Variants in SFT2D2 observed in about 807,000 individuals in gnomAD.
SFT2D2 encodes SFT2 domain containing 2, also known as vesicle transport protein SFT2B.
Under a neutral mutation model 27.4 loss-of-function variants are expected in SFT2D2, and 21 were observed. The ratio of observed to expected loss-of-function variants is 0.77; its 90% CI spans 0.54 to 1.10. The LOEUF (loss-of-function observed/expected upper bound fraction) is 1.10. Among genes scored for constraint, SFT2D2 ranks in the 50% least tolerant of loss-of-function variants. The probability of loss-of-function intolerance (pLI) is 0.00; values close to 1 mark genes in which losing one functional copy is unlikely to be tolerated. For synonymous variants in SFT2D2, 72 were observed against 71.7 expected (o/e 1.00, Z -0.02); for missense variants, 187 against 194.2 (o/e 0.96, Z 0.22).
intron 7 of SFT2D2, among the ~76,000 whole-genome samples, chr1:168,241,274 G>A (rs2280992): frequency 6.9e-6 from 1 of 145,044 alleles, no homozygotes; most frequent in Non-Finnish European, 1.5e-5. Flanking sequence ...GTGGCCCGAT[G>A]TCAGCTCACC....
In SFT2D2 at chr1:168,252,680, G is replaced by T. The variant is rs1647975438; in HGVS notation, c.*10140G>T. On this transcript the variant is annotated 3_prime_UTR_variant, in exon 8 of 8. Coordinates refer to ENST00000271375, the MANE Select transcript of SFT2D2 (RefSeq NM_199344.3). Reference sequence around the variant, plus strand: ...AAGTTGGGAGTGAGGACATTCAAAAGCCCATGGTGAATGCATATGCCTTTA... The same window carrying T: ...AAGTTGGGAGTGAGGACATTCAAAATCCCATGGTGAATGCATATGCCTTTA... 6.6e-6 allele frequency: 1 copy of T among 152,150 alleles called. No homozygotes were observed. The highest frequency in any genetic ancestry group is 6.6e-5 in the Admixed American group (1 of 15,266). 9.4% of individuals were successfully genotyped at this position (152,150 alleles called of 1,614,324 possible). A position where few individuals can be genotyped will look rare whatever the true frequency, so the allele number is the denominator to read the frequency against.
chr1:168,232,010 C>T, intron 3 of SFT2D2, 91 bp downstream of exon 3: 1 of 1,016,528 alleles, frequency 9.8e-7, no homozygotes, highest in South Asian at 1.3e-5. Context: ...GAGGAGGCTC[C>T]AGTAGTTGTA....
At position 168,246,187 on chromosome 1, in the gene SFT2D2, GTTC is replaced by G. The variant is rs1647806983; in HGVS notation, c.*3652_*3654del. 3.1e-5 allele frequency: 8 copies of G among 260,298 alleles called. No individual in the cohort carries two copies. Among genetic ancestry groups the G allele is most frequent in the South Asian group, 2.4e-4 (6 of 25,352 alleles). 16.1% of individuals were successfully genotyped at this position (260,298 alleles called of 1,614,324 possible). A position where few individuals can be genotyped will look rare whatever the true frequency, so the allele number is the denominator to read the frequency against. On this transcript the variant is annotated 3_prime_UTR_variant, in exon 8 of 8. Coordinates refer to ENST00000271375, the MANE Select transcript of SFT2D2 (RefSeq NM_199344.3). ...GATTAACTTTATTGATCATCCTCTT[GTTC>G]TTCTAGCAAAAGACGGTGCTTTATG... is the stretch of plus-strand genomic sequence containing the variant.
intron 1 of SFT2D2, among the ~76,000 whole-genome samples, chr1:168,229,947 T>A (rs1309859233): frequency 6.6e-6 from 1 of 152,194 alleles, no homozygotes; most frequent in Non-Finnish European, 1.5e-5. Flanking sequence ...GGCTCATCTG[T>A]CAGATCTTAA....
chr1:168,228,681 T>C (rs1470780081), intron 1 of SFT2D2, among the ~76,000 whole-genome samples: 3 of 152,224 alleles, frequency 2.0e-5, no homozygotes, highest in African/African-American at 7.2e-5. Flanking sequence ...CTTCTTCTGG[T>C]TACCAATCCT....
intron 1 of SFT2D2, among the ~76,000 whole-genome samples, chr1:168,230,313 A>T (rs1700498984): frequency 6.6e-6 from 1 of 152,108 alleles, no homozygotes. Context: ...TGCTAGATGG[A>T]GACTATGCTG....
intron 7 of SFT2D2, among the ~76,000 whole-genome samples, chr1:168,239,734 A>G (rs756574498): frequency 6.7e-6 from 1 of 149,656 alleles, no homozygotes; most frequent in Non-Finnish European, 1.5e-5. Context: ...CTAATACTCC[A>G]TACCTCTTTA....
Position 168,250,707 on chromosome 1 carries a change from C to G in SFT2D2, c.*8167C>G, listed in dbSNP as rs775140841. ...TGGGCGTGCTGTGTACTAACTCACTCCCGTCTCTTGTCTCATTATCTGAAA... is the reference window on the plus strand; with the variant it reads ...TGGGCGTGCTGTGTACTAACTCACTGCCGTCTCTTGTCTCATTATCTGAAA... On this transcript the variant is annotated 3_prime_UTR_variant, in exon 8 of 8. Coordinates refer to ENST00000271375, the MANE Select transcript of SFT2D2 (RefSeq NM_199344.3). 2 of 151,654 alleles carry G rather than the reference C, an allele frequency of 1.3e-5. No homozygotes were observed. Among genetic ancestry groups the G allele is most frequent in the Non-Finnish European group, 1.5e-5 (1 of 68,100 alleles). 9.4% of individuals were successfully genotyped at this position (151,654 alleles called of 1,614,324 possible).
chr1:168,228,105 G>A (rs907899845), intron 1 of SFT2D2, among the ~76,000 whole-genome samples: 1 of 152,190 alleles, frequency 6.6e-6, no homozygotes, highest in African/African-American at 2.4e-5. Context: ...TGAGATTTCT[G>A]TTTATAACAT....
chr1:168,231,702 C>T (rs1647318092), intron 2 of SFT2D2, 102 bp downstream of exon 2: 13 of 1,441,762 alleles, frequency 9.0e-6, no homozygotes, highest in Non-Finnish European at 1.3e-5. Flanking sequence ...CACTAAAATG[C>T]ATGGATGAGA....
Position 168,231,633 on chromosome 1 carries a change from T to A in SFT2D2, c.150+33T>A, listed in dbSNP as rs758760792. On this transcript the variant is annotated intron_variant, in intron 2 of 7. Coordinates refer to ENST00000271375, the MANE Select transcript of SFT2D2 (RefSeq NM_199344.3). Reference sequence around the variant, plus strand: ...TTCCCTTCCTCCTCTGTCTTTTCCTTCTACCTGTCTTTGCTATATATTCCC... The same window carrying A: ...TTCCCTTCCTCCTCTGTCTTTTCCTACTACCTGTCTTTGCTATATATTCCC... 2.5e-6 allele frequency: 4 copies of A among 1,600,168 alleles called. No individual in the cohort carries two copies. The South Asian group carries it at 4.4e-5, about 18-fold the overall frequency.
Position 168,242,840 on chromosome 1 carries a change from C to T in SFT2D2, c.*300C>T, listed in dbSNP as rs1033769917. The T allele has an allele frequency of 1.0e-5, 4 of 396,882 alleles. No homozygotes were observed. Among genetic ancestry groups the T allele is most frequent in the African/African-American group, 4.1e-5 (2 of 48,806 alleles). The allele number at this position is 396,882 out of a possible 1,614,324, so 24.6% of individuals were successfully genotyped here. A position where few individuals can be genotyped will look rare whatever the true frequency, so the allele number is the denominator to read the frequency against. On this transcript the variant is annotated 3_prime_UTR_variant, in exon 8 of 8. Coordinates refer to ENST00000271375, the MANE Select transcript of SFT2D2 (RefSeq NM_199344.3). ...GAATTCCCATGAATACAAACCTATT[C>T]AGCAACAGCACATAAGCCTTGGGTG... is the stretch of plus-strand genomic sequence containing the variant.
At chr1:168,239,954 T>G (rs534690486) in intron 7 of SFT2D2, among the ~76,000 whole-genome samples, 37 of 151,880 alleles carry the variant, frequency 2.4e-4, no homozygotes, top group African/African-American at 8.2e-4. Flanking sequence ...GGCGGGTGGA[T>G]CCTGCTGTCA....
intron 3 of SFT2D2, 43 bp from the exon 4 acceptor site, chr1:168,235,058 A>G: frequency 3.2e-6 from 5 of 1,555,198 alleles, no homozygotes; most frequent in Non-Finnish European, 4.4e-6. Flanking sequence ...TGCCTAGTGC[A>G]GTTCTGTTCT....
intron 1 of SFT2D2, chr1:168,229,655 A>G (rs185494337): frequency 1.3e-4 from 19 of 150,256 alleles, no homozygotes; most frequent in African/African-American, 4.6e-4. Flanking sequence ...AGCCAGGCCA[A>G]TCCTACTACC....
chr1:168,238,959 G>A (rs1343658738), intron 6 of SFT2D2, among the ~76,000 whole-genome samples, 172 bp from the exon 7 acceptor site: 4 of 152,210 alleles, frequency 2.6e-5, no homozygotes, highest in Non-Finnish European at 4.4e-5. Context: ...TTGGGTACAC[G>A]TGCATGCACA....
intron 7 of SFT2D2, among the ~76,000 whole-genome samples, chr1:168,240,165 ACT>A (rs1336380622): frequency 8.0e-6 from 1 of 124,718 alleles, no homozygotes; most frequent in East Asian, 2.3e-4. Flanking sequence ...ACAGAGCGAG[ACT>A]CTGTCTCAAA....
In SFT2D2 at chr1:168,241,205, C is replaced by CTTTTTTTTTT. The variant is rs11387591; in HGVS notation, c.444-1285_444-1276dup. Among the ~76,000 whole-genome samples the CTTTTTTTTTT allele has an allele frequency of 3.5e-4, 35 of 100,150 alleles. 3 individuals are homozygous for CTTTTTTTTTT. The highest frequency in any genetic ancestry group is 1.4e-3 in the South Asian group (4 of 2,822). The allele number at this position is 100,150 out of a possible 152,430, so 65.7% of individuals were successfully genotyped here. A position where few individuals can be genotyped will look rare whatever the true frequency, so the allele number is the denominator to read the frequency against. Reference sequence around the variant, plus strand: ...CAGAGCTAGATCCCACCCTTCTATTCTTTTTTTTTTTTTTTTTTTTGAGAT... The same window carrying CTTTTTTTTTT: ...CAGAGCTAGATCCCACCCTTCTATTCTTTTTTTTTTTTTTTTTTTTTTTTTTTTTTGAGAT... On this transcript the variant is annotated intron_variant, in intron 7 of 7. Coordinates refer to ENST00000271375, the MANE Select transcript of SFT2D2 (RefSeq NM_199344.3).
At position 168,244,260 on chromosome 1, in the gene SFT2D2, C is replaced by T. The variant is rs1647737489; in HGVS notation, c.*1720C>T. 6.6e-6 allele frequency: 1 copy of T among 152,114 alleles called. No homozygotes were observed. The highest frequency in any genetic ancestry group is 1.5e-5 in the Non-Finnish European group (1 of 68,120). The allele number at this position is 152,114 out of a possible 1,614,324, so 9.4% of individuals were successfully genotyped here. On this transcript the variant is annotated 3_prime_UTR_variant, in exon 8 of 8. Coordinates refer to ENST00000271375, the MANE Select transcript of SFT2D2 (RefSeq NM_199344.3). The stretch of plus-strand genomic sequence containing the variant: ...TGGCGTGATCTCTGCTCACTGCAAC[C>T]TCCACCTCCCGGGTTCAAGCAATTC...
Sources: allele counts gnomAD v4.1 joint callset (sites outside exome capture counted in the v4.1 genomes callset), GRCh38; gene constraint gnomAD v4.1.1; transcripts MANE v1.5; gene names NCBI Gene and HGNC (gene_info 2026-07-23, HGNC 2026-07-21).